Variants in FAM135A observed in about 807,000 individuals in gnomAD.
The protein encoded by FAM135A is family with sequence similarity 135 member A.
FAM135A carries 79 observed loss-of-function variants against 146.8 expected under a neutral mutation model. That is an observed-to-expected ratio of 0.54 (90% confidence interval 0.45 to 0.65). The LOEUF (loss-of-function observed/expected upper bound fraction) is 0.65, where lower values mean the gene tolerates loss of function less well. Among genes scored for constraint, FAM135A ranks in the 30% least tolerant of loss-of-function variants. FAM135A has a pLI of 0.00. For missense variants in FAM135A, 1,623 were observed against 1,758.2 expected, an observed-to-expected ratio of 0.92 and a Z score of 1.38; for synonymous variants, 562 against 603.6, an observed-to-expected ratio of 0.93 and a Z score of 1.01.
intron 4 of FAM135A, among the ~76,000 whole-genome samples, chr6:70,441,098 A>G (rs537651362): frequency 1.6e-4 from 25 of 152,284 alleles, no homozygotes; most frequent in African/African-American, 5.8e-4. Context: ...TGCTGATAAT[A>G]TTGTGTCACT....
At chr6:70,446,858 C>G (rs1433310473) in intron 4 of FAM135A, among the ~76,000 whole-genome samples, 1 of 152,180 alleles carries the variant, frequency 6.6e-6, no homozygotes, top group Non-Finnish European at 1.5e-5. Flanking sequence ...GGGACATACC[C>G]ATTTCATGCA....
At chr6:70,482,539 G>A (rs1431261705) in intron 10 of FAM135A, among the ~76,000 whole-genome samples, 2 of 151,938 alleles carry the variant, frequency 1.3e-5, no homozygotes, top group South Asian at 4.1e-4. Flanking sequence ...GGTACTTAGG[G>A]CATTTTTGTT....
At chr6:70,480,142 G>A (rs993745128) in intron 8 of FAM135A, among the ~76,000 whole-genome samples, 1 of 152,098 alleles carries the variant, frequency 6.6e-6, no homozygotes, top group Non-Finnish European at 1.5e-5. Flanking sequence ...TTTTTCAACA[G>A]TTTAACAGAA....
At chr6:70,422,949 T>A (rs1253957980) in intron 2 of FAM135A, among the ~76,000 whole-genome samples, 1 of 152,066 alleles carries the variant, frequency 6.6e-6, no homozygotes, top group Non-Finnish European at 1.5e-5. Flanking sequence ...GGATAGGTGC[T>A]GAGGAAAAAA....
chr6:70,522,387 G>T, intron 12 of FAM135A, 126 bp from the exon 13 acceptor site: 1 of 719,614 alleles, frequency 1.4e-6, no homozygotes. Flanking sequence ...GAGGGAGAAG[G>T]GAAGTTTAAT....
chr6:70,481,306 C>G (rs1365352013), intron 9 of FAM135A, among the ~76,000 whole-genome samples: 1 of 152,158 alleles, frequency 6.6e-6, no homozygotes, highest in African/African-American at 2.4e-5. Flanking sequence ...CTGGTAGAAT[C>G]ATTCCAAAGG....
chr6:70,430,800 T>C (rs1193658189), intron 4 of FAM135A, among the ~76,000 whole-genome samples: 1 of 152,220 alleles, frequency 6.6e-6, no homozygotes, highest in Non-Finnish European at 1.5e-5. Flanking sequence ...AGTTTTATTT[T>C]CCAACCCAGC....
At chr6:70,495,954 A>C (rs1439983022) in intron 11 of FAM135A, among the ~76,000 whole-genome samples, 4 of 152,158 alleles carry the variant, frequency 2.6e-5, no homozygotes, top group African/African-American at 7.2e-5. Context: ...ATGTCCCTGC[A>C]AAGGACATGA....
rs182194027 is a variant in FAM135A at position 70,506,064 on chromosome 6, G to A, written c.1029+3273G>A. Among the ~76,000 whole-genome samples the A allele has an allele frequency of 2.1e-3, 314 of 152,076 alleles. 1 individual carries two copies. Among genetic ancestry groups the A allele is most frequent in the African/African-American group, 6.3e-3 (262 of 41,482 alleles). On this transcript the variant is annotated intron_variant, in intron 12 of 21. Coordinates refer to ENST00000418814, the MANE Select transcript of FAM135A (RefSeq NM_001162529.3). ...TAATGAATGGAATATATTTTTTTCC[G>A]CAATTTTCAGGAACATCATTTCTCA...
At chr6:70,469,380 A>G (rs1348182157) in intron 5 of FAM135A, among the ~76,000 whole-genome samples, 1 of 152,234 alleles carries the variant, frequency 6.6e-6, no homozygotes, top group Non-Finnish European at 1.5e-5. Context: ...AAAGCTTAAA[A>G]TATTGATGTC....
rs867021629 is a variant in FAM135A at position 70,413,747 on chromosome 6, C to T, written c.-220+45C>T. On this transcript the variant is annotated intron_variant, in intron 1 of 21. Transcript: ENST00000418814. ...CTCTGGCTCCCCCGGCTCCCGACAC[C>T]CACGACCCCTCCCTCCGTCCCTCTT... 45 of 957,746 alleles carry T rather than the reference C, an allele frequency of 4.7e-5. 1 individual carries two copies. The South Asian group carries it at 5.3e-4, about 11-fold the overall frequency. 59.3% of individuals were successfully genotyped at this position (957,746 alleles called of 1,614,324 possible). A position where few individuals can be genotyped will look rare whatever the true frequency, so the allele number is the denominator to read the frequency against.
intron 12 of FAM135A, among the ~76,000 whole-genome samples, chr6:70,522,175 C>T (rs1793740556): frequency 6.6e-6 from 1 of 152,180 alleles, no homozygotes; most frequent in Non-Finnish European, 1.5e-5. Flanking sequence ...CCTCAGCCTC[C>T]CAGAGTTCTG....
chr6:70,524,569 T>G lies in FAM135A; in HGVS notation c.1485T>G (p.Thr495=). Residue 495 remains threonine (T), a synonymous_variant, in exon 15 of 22, where the codon ACT becomes ACG. Coordinates refer to ENST00000418814, the MANE Select transcript of FAM135A (RefSeq NM_001162529.3). ...CAAATAAATCCAAAGTTAAGGTTACTAAGCTTATGAAAACAATGAAATCTG... is the reference window on the plus strand; with the variant it reads ...CAAATAAATCCAAAGTTAAGGTTACGAAGCTTATGAAAACAATGAAATCTG... ...EESNKSKVKV[T]KLMKTMKSEN... 2 of 1,545,462 alleles carry G rather than the reference T, an allele frequency of 1.3e-6. No homozygotes were observed. The highest frequency in any genetic ancestry group is 1.7e-6 in the Non-Finnish European group (2 of 1,145,484).
At chr6:70,536,509 T>A (rs1562001000) in intron 19 of FAM135A, 98 bp downstream of exon 19, 3 of 973,950 alleles carry the variant, frequency 3.1e-6, no homozygotes, top group Non-Finnish European at 2.7e-6. Context: ...GTTTGTCACA[T>A]ACTGGAAATT....
intron 5 of FAM135A, among the ~76,000 whole-genome samples, chr6:70,460,706 G>A (rs906454919): frequency 1.3e-5 from 2 of 152,144 alleles, no homozygotes; most frequent in Non-Finnish European, 2.9e-5. Context: ...CCATTTATGA[G>A]ATGGGAAACA....
chr6:70,419,246 C>G (rs1768223160), intron 2 of FAM135A, among the ~76,000 whole-genome samples: 1 of 152,002 alleles, frequency 6.6e-6, no homozygotes. Context: ...TGGTGAAACC[C>G]AGTCTGTACT....
At chr6:70,456,361 C>T (rs552007596) in intron 5 of FAM135A, among the ~76,000 whole-genome samples, 1 of 152,260 alleles carries the variant, frequency 6.6e-6, no homozygotes, top group Admixed American at 6.5e-5. Context: ...ACAAATGAAA[C>T]ATTTTAAATC....
chr6:70,515,201 T>C (rs368633257), intron 12 of FAM135A, among the ~76,000 whole-genome samples: 1 of 152,218 alleles, frequency 6.6e-6, no homozygotes, highest in African/African-American at 2.4e-5. Context: ...GAAGACACTT[T>C]GGTAGTTTCT....
At chr6:70,490,846 C>T (rs1196803913) in intron 10 of FAM135A, among the ~76,000 whole-genome samples, 188 bp from the exon 11 acceptor site, 1 of 151,826 alleles carries the variant, frequency 6.6e-6, no homozygotes, top group Non-Finnish European at 1.5e-5. Context: ...TGATATTTAT[C>T]AGAATGTAGA....
Sources: allele counts gnomAD v4.1 joint callset (sites outside exome capture counted in the v4.1 genomes callset), GRCh38; gene constraint gnomAD v4.1.1; transcripts MANE v1.5; gene names NCBI Gene and HGNC (gene_info 2026-07-23, HGNC 2026-07-21).